SLC35F4: variants seen among roughly 807,000 people sequenced by gnomAD.
SLC35F4 encodes solute carrier family 35 member F4, also known as chromosome 14 open reading frame 36.
SLC35F4 carries 24 observed loss-of-function variants against 44.2 expected under a neutral mutation model. The ratio of observed to expected loss-of-function variants is 0.54; its 90% CI spans 0.39 to 0.76. SLC35F4 has a LOEUF of 0.76. SLC35F4 is among the 30% of genes least tolerant of loss of function. The pLI is 0.00. For missense variants in SLC35F4, 562 were observed against 586.1 expected (o/e 0.96, Z 0.42); for synonymous variants, 238 against 223.6 (o/e 1.06, Z -0.57).
intron 1 of SLC35F4, among the ~76,000 whole-genome samples, chr14:57,828,787 G>A (rs375835007): frequency 6.6e-6 from 1 of 152,178 alleles, no homozygotes; most frequent in Non-Finnish European, 1.5e-5. Context: ...GTCTGCCATG[G>A]GGTGAAGGAT....
chr14:57,587,705 G>A (rs1204651136), intron 3 of SLC35F4, among the ~76,000 whole-genome samples: 1 of 152,002 alleles, frequency 6.6e-6, no homozygotes, highest in Non-Finnish European at 1.5e-5. Context: ...AAACCACCAT[G>A]GCACATGTAT....
intron 1 of SLC35F4, among the ~76,000 whole-genome samples, chr14:57,730,053 G>A (rs973155273): frequency 1.3e-5 from 2 of 152,194 alleles, no homozygotes; most frequent in African/African-American, 4.8e-5. Context: ...GGGCACAGAT[G>A]GTCTCTCTGC....
chr14:57,947,591 C>A (rs1890059876), intron 1 of SLC35F4, among the ~76,000 whole-genome samples: 1 of 152,088 alleles, frequency 6.6e-6, no homozygotes, highest in African/African-American at 2.4e-5. Context: ...AAGTGGGCAT[C>A]TTTGACTTGT....
At chr14:57,590,998 G>A (rs2070140021) in intron 2 of SLC35F4, among the ~76,000 whole-genome samples, 2 of 152,248 alleles carry the variant, frequency 1.3e-5, no homozygotes, top group South Asian at 4.1e-4. Flanking sequence ...TCTCCACTGG[G>A]GAATATAAAC....
intron 1 of SLC35F4, among the ~76,000 whole-genome samples, chr14:57,754,117 T>C (rs1181655283): frequency 6.8e-6 from 1 of 147,954 alleles, no homozygotes; most frequent in Non-Finnish European, 1.5e-5. Context: ...TTTTTTTTTT[T>C]TTTTGAGATG....
chr14:57,576,361 C>T (rs1449963834), intron 4 of SLC35F4, among the ~76,000 whole-genome samples: 5 of 152,046 alleles, frequency 3.3e-5, no homozygotes. Context: ...TACAGCAGCC[C>T]CTAAAAATGC....
chr14:57,841,470 T>C (rs1322373380), intron 1 of SLC35F4, among the ~76,000 whole-genome samples: 1 of 152,148 alleles, frequency 6.6e-6, no homozygotes, highest in Non-Finnish European at 1.5e-5. Flanking sequence ...CCCAAACTAC[T>C]CACTGACAGT....
At chr14:57,565,389 T>G (rs767169519) in intron 7 of SLC35F4, among the ~76,000 whole-genome samples, 8 of 152,222 alleles carry the variant, frequency 5.3e-5, no homozygotes, top group Non-Finnish European at 1.2e-4. Flanking sequence ...TGGATGCTCC[T>G]CCTATGCGCC....
At chr14:57,645,962 A>G (rs1051608850) in intron 1 of SLC35F4, among the ~76,000 whole-genome samples, 1 of 152,160 alleles carries the variant, frequency 6.6e-6, no homozygotes, top group Non-Finnish European at 1.5e-5. Context: ...CTTGCATCCC[A>G]GGGATGAAGC....
intron 1 of SLC35F4, among the ~76,000 whole-genome samples, chr14:57,878,591 T>C (rs1888452570): frequency 6.6e-6 from 1 of 152,176 alleles, no homozygotes; most frequent in African/African-American, 2.4e-5. Context: ...TCTGGAACAC[T>C]CTCTCCCTCA....
At chr14:57,571,257 T>C (rs774419119) in intron 5 of SLC35F4, among the ~76,000 whole-genome samples, 18 of 152,162 alleles carry the variant, frequency 1.2e-4, no homozygotes, top group Non-Finnish European at 1.9e-4. Context: ...TCAGGTGCAA[T>C]GACTCCGAAT....
chr14:57,955,878 T>C (rs1000779474), intron 1 of SLC35F4, among the ~76,000 whole-genome samples: 3 of 152,186 alleles, frequency 2.0e-5, no homozygotes, highest in Admixed American at 2.0e-4. Context: ...AAGTAATTTA[T>C]AGATTCAATG....
chr14:57,794,756 T>C, intron 1 of SLC35F4, among the ~76,000 whole-genome samples: 1 of 152,024 alleles, frequency 6.6e-6, no homozygotes, highest in East Asian at 1.9e-4. Flanking sequence ...GTTCTATAAA[T>C]GCTATGACTG....
At chr14:57,829,557 G>A (rs1466615339) in intron 1 of SLC35F4, among the ~76,000 whole-genome samples, 1 of 152,186 alleles carries the variant, frequency 6.6e-6, no homozygotes, top group African/African-American at 2.4e-5. Context: ...GAAAGATGGT[G>A]TCACTCTGGA....
At chr14:57,788,540 A>G (rs953182781) in intron 1 of SLC35F4, among the ~76,000 whole-genome samples, 2 of 152,192 alleles carry the variant, frequency 1.3e-5, no homozygotes, top group African/African-American at 4.8e-5. Flanking sequence ...CAATAAATTT[A>G]AGGAAATTGA....
intron 1 of SLC35F4, among the ~76,000 whole-genome samples, chr14:57,942,009 C>T (rs1478175400): frequency 6.6e-6 from 1 of 152,168 alleles, no homozygotes; most frequent in Admixed American, 6.5e-5. Flanking sequence ...AAAGTCTTTT[C>T]CTTTGTCCCA....
chr14:57,685,365 G>A (rs1157173945), intron 1 of SLC35F4, among the ~76,000 whole-genome samples: 1 of 152,080 alleles, frequency 6.6e-6, no homozygotes, highest in East Asian at 1.9e-4. Flanking sequence ...ATTTATTTAG[G>A]TTACTTTGAG....
chr14:57,662,518 C>T (rs562532896), intron 1 of SLC35F4, among the ~76,000 whole-genome samples: 1 of 152,288 alleles, frequency 6.6e-6, no homozygotes, highest in East Asian at 1.9e-4. Flanking sequence ...CCTAGCCCCT[C>T]ATGCTTGCCC....
At chr14:57,666,047 A>T (rs1344116384) in intron 1 of SLC35F4, among the ~76,000 whole-genome samples, 3 of 152,314 alleles carry the variant, frequency 2.0e-5, no homozygotes, top group Middle Eastern at 3.4e-3. Flanking sequence ...TGATGAAATA[A>T]TCTGTACAAC....
Sources: gnomAD v4.1 joint callset for allele counts (sites outside exome capture counted in the v4.1 genomes callset) on GRCh38, gnomAD v4.1.1 for gene constraint, MANE v1.5 for transcripts, NCBI Gene and HGNC (gene_info 2026-07-23, HGNC 2026-07-21) for gene names.